Variants in PDLIM7 observed in about 807,000 individuals in gnomAD.
PDLIM7 encodes PDZ and LIM domain 7, also known as PDZ and LIM domain protein 7.
PDLIM7 carries 37 observed loss-of-function variants against 53.9 expected under a neutral mutation model. That is an observed-to-expected ratio of 0.69 (90% CI 0.53 to 0.90). The LOEUF is 0.90. Ranked by LOEUF, PDLIM7 falls within the 40% of genes least tolerant of loss-of-function variation. PDLIM7 has a pLI of 0.00. For missense variants in PDLIM7, 617 were observed against 638.5 expected (o/e 0.97, Z 0.36); for synonymous variants, 300 against 261.3 (o/e 1.15, Z -1.43).
chr5:177,495,543 C>A (rs1759028580), intron 2 of PDLIM7, among the ~76,000 whole-genome samples: 1 of 152,240 alleles, frequency 6.6e-6, no homozygotes. Flanking sequence ...TTGTGTCTCA[C>A]AACTGGACCA....
intron 6 of PDLIM7, 41 bp downstream of exon 6, chr5:177,490,969 G>T (rs369557748): frequency 3.7e-5 from 59 of 1,613,820 alleles, no homozygotes; most frequent in Non-Finnish European, 4.9e-5. Context: ...CGCCTGGGCT[G>T]GGGGCGAGGA....
chr5:177,490,920 G>A lies in PDLIM7; in HGVS notation c.536-14C>T, dbSNP rs967538585. ...CCGGGTCTTGCACTGAGAGGGCAGAGGCAGGCATTGACCAAAAAAGACACA... is the reference window on the plus strand; with the variant it reads ...CCGGGTCTTGCACTGAGAGGGCAGAAGCAGGCATTGACCAAAAAAGACACA... On this transcript the variant is annotated splice_polypyrimidine_tract_variant and intron_variant, in intron 6 of 12. Coordinates refer to ENST00000355841, the MANE Select transcript of PDLIM7 (RefSeq NM_005451.5). 1.2e-6 allele frequency: 2 copies of A among 1,613,996 alleles called. No homozygotes were observed. The highest frequency in any genetic ancestry group is 1.3e-5 in the African/African-American group (1 of 74,902).
At chr5:177,485,935 G>A (rs1404309535) in intron 10 of PDLIM7, among the ~76,000 whole-genome samples, 2 of 152,060 alleles carry the variant, frequency 1.3e-5, no homozygotes, top group Non-Finnish European at 2.9e-5. Context: ...GCAGTGAGCA[G>A]TGATCATGCC....
intron 5 of PDLIM7, 76 bp downstream of exon 5, chr5:177,491,731 G>A (rs1462208190): frequency 3.4e-5 from 26 of 771,800 alleles, no homozygotes; most frequent in Non-Finnish European, 4.6e-5. Context: ...AGCACAGACT[G>A]AGCAGCAGCG....
intron 10 of PDLIM7, 116 bp downstream of exon 10, chr5:177,487,952 G>A (rs149664367): frequency 1.1e-4 from 99 of 918,396 alleles, no homozygotes; most frequent in African/African-American, 9.8e-4. Context: ...CATTTATTAC[G>A]CTGGTAAGGA....
intron 1 of PDLIM7, 166 bp from the exon 2 acceptor site, chr5:177,496,689 T>G: frequency 2.2e-6 from 1 of 451,074 alleles, no homozygotes; most frequent in Non-Finnish European, 3.9e-6. Context: ...TGGCCTGGGC[T>G]GCTGGCTGGC....
At position 177,490,593 on chromosome 5, in the gene PDLIM7, C is replaced by A. The variant is rs1291622910; in HGVS notation, c.572+277G>T. 2.6e-6 allele frequency: 4 copies of A among 1,551,538 alleles called. No individual in the cohort carries two copies. The African/African-American group carries it at 5.5e-5, about 21-fold the overall frequency. On this transcript the variant is annotated intron_variant, in intron 7 of 12. Transcript: ENST00000355841. ...TCTGCAGCTCCAGGACATACTTTTC[C>A]CTGAGGGGCAGAGAGAGAGGGAGGA... is the stretch of plus-strand genomic sequence containing the variant.
intron 10 of PDLIM7, among the ~76,000 whole-genome samples, chr5:177,485,234 C>T (rs1410719334): frequency 6.6e-6 from 1 of 152,220 alleles, no homozygotes; most frequent in African/African-American, 2.4e-5. Context: ...CTGATCTATC[C>T]CCACAGTGCC....
intron 1 of PDLIM7, 141 bp from the exon 2 acceptor site, chr5:177,496,664 G>A (rs911816643): frequency 6.0e-6 from 3 of 497,278 alleles, no homozygotes; most frequent in Non-Finnish European, 1.0e-5. Flanking sequence ...ATAGGAGGCA[G>A]GTATTTTGTC....
chr5:177,483,972 C>A lies in PDLIM7; in HGVS notation c.1182G>T (p.Lys394Asn), dbSNP rs568424833. ...AGCCATGGCATTTCGTGCCAAACAT[C>A]TTCTCATAGTCTGAGAATGGGGGCA... ...GVPYCERDYE[K>N]MFGTKCHGCD... is the part of the protein sequence containing the mutation. Residue 394 changes from lysine to asparagine, a missense_variant, in exon 12 of 13, where the codon AAG becomes AAT. Transcript: ENST00000355841. 6.2e-7 allele frequency: 1 copy of A among 1,613,854 alleles called. No homozygotes were observed. Among genetic ancestry groups the A allele is most frequent in the African/African-American group, 1.3e-5 (1 of 75,062 alleles).
chr5:177,494,956 C>T (rs72815117), intron 2 of PDLIM7: 10,738 of 152,366 alleles, frequency 0.07, 478 homozygotes, highest in Middle Eastern at 0.12. Flanking sequence ...GGGCCCAGGT[C>T]CAACTCCAGG....
chr5:177,484,309 A>G, intron 10 of PDLIM7, 119 bp from the exon 11 acceptor site: 1 of 1,283,062 alleles, frequency 7.8e-7, no homozygotes, highest in Non-Finnish European at 1.1e-6. Context: ...CACTACATCT[A>G]ACTGTTCAGG....
At position 177,492,565 on chromosome 5, in the gene PDLIM7, A is replaced by C; in HGVS notation, c.209T>G (p.Ile70Ser). The change falls in exon 3 of 13, where the codon ATC becomes AGC. Residue 70 changes from isoleucine (I) to serine (S), a missense_variant. By Grantham distance (142) the Ile-to-Ser change is moderately radical. Coordinates refer to ENST00000355841, the MANE Select transcript of PDLIM7 (RefSeq NM_005451.5). The stretch of plus-strand genomic sequence containing the variant: ...GCTGAGGCGCTCCCCGCAGGCCCGG[A>C]TCTTGTTCTGAGCTTCGATGTGTGT... ...SLTHIEAQNK[I>S]RACGERLSLG... The C allele has an allele frequency of 1.2e-6, 2 of 1,613,762 alleles. No individual in the cohort carries two copies. The highest frequency in any genetic ancestry group is 1.7e-6 in the Non-Finnish European group (2 of 1,179,820).
At chr5:177,493,602 G>A (rs984065838) in intron 2 of PDLIM7, among the ~76,000 whole-genome samples, 1 of 152,240 alleles carries the variant, frequency 6.6e-6, no homozygotes, top group African/African-American at 2.4e-5. Context: ...AGGTAGAGGG[G>A]CTACTGGCAG....
At chr5:177,496,361 G>A in intron 2 of PDLIM7, 56 bp downstream of exon 2, 1 of 1,325,756 alleles carries the variant, frequency 7.5e-7, no homozygotes, top group Non-Finnish European at 1.0e-6. Flanking sequence ...TCACCCTCTG[G>A]AGACCTAAGC....
At chr5:177,494,020 G>A (rs759660654) in intron 2 of PDLIM7, among the ~76,000 whole-genome samples, 4 of 152,186 alleles carry the variant, frequency 2.6e-5, no homozygotes, top group Admixed American at 6.5e-5. Flanking sequence ...TCTTGCTTGC[G>A]TAGGAGGTCA....
At position 177,496,651 on chromosome 5, in the gene PDLIM7, G is replaced by A. The variant is rs889421750; in HGVS notation, c.-11-128C>T. On this transcript the variant is annotated intron_variant, in intron 1 of 12. Transcript: ENST00000355841. ...ACGGGCAGCCCCTGAGCACGCCCAAGCCATAGGAGGCAGGTATTTTGTCAG... is the reference window on the plus strand; with the variant it reads ...ACGGGCAGCCCCTGAGCACGCCCAAACCATAGGAGGCAGGTATTTTGTCAG... 4.3e-4 allele frequency: 222 copies of A among 519,416 alleles called. 1 individual carries two copies. Among genetic ancestry groups the A allele is most frequent in the Admixed American group, 2.9e-3 (70 of 24,152 alleles). 32.2% of individuals were successfully genotyped at this position (519,416 alleles called of 1,614,324 possible). A position where few individuals can be genotyped will look rare whatever the true frequency, so the allele number is the denominator to read the frequency against.
intron 2 of PDLIM7, among the ~76,000 whole-genome samples, chr5:177,494,118 T>C (rs1758944345): frequency 6.6e-6 from 1 of 152,226 alleles, no homozygotes. Flanking sequence ...ATGCTACATA[T>C]TGACACTGAA....
At chr5:177,488,780 C>T (rs1758587947) in intron 9 of PDLIM7, among the ~76,000 whole-genome samples, 1 of 152,090 alleles carries the variant, frequency 6.6e-6, no homozygotes, top group Admixed American at 6.5e-5. Flanking sequence ...ATCCCAGCTA[C>T]TCAGGAGGCT....
Sources: allele counts gnomAD v4.1 joint callset (sites outside exome capture counted in the v4.1 genomes callset), GRCh38; gene constraint gnomAD v4.1.1; transcripts MANE v1.5; gene names NCBI Gene and HGNC (gene_info 2026-07-23, HGNC 2026-07-21).